SCHIP1: variants seen among roughly 807,000 people sequenced by gnomAD.
SCHIP1 encodes schwannomin-interacting protein 1.
In SCHIP1, 8 loss-of-function variants were observed where a neutral mutation model predicts 29.7. That is an observed-to-expected ratio of 0.27 (90% confidence interval 0.16 to 0.49). The LOEUF is 0.49. Ranked by LOEUF, SCHIP1 falls within the 20% of genes least tolerant of loss-of-function variation. SCHIP1 has a pLI of 0.99. For synonymous variants in SCHIP1, 76 were observed against 94.9 expected (o/e 0.80, Z 1.16); for missense variants, 193 against 294.6 (o/e 0.66, Z 2.52).
chr3:159,431,401 G>A, the SCHIP1 span, among the ~76,000 whole-genome samples: 1 of 152,098 alleles, frequency 6.6e-6, no homozygotes, highest in Non-Finnish European at 1.5e-5. Flanking sequence ...GAAAAATGCA[G>A]GAGTAGCCAG....
the SCHIP1 span, among the ~76,000 whole-genome samples, chr3:159,331,109 A>T: frequency 6.6e-6 from 1 of 152,206 alleles, no homozygotes; most frequent in African/African-American, 2.4e-5. Context: ...AGTGTCCCAT[A>T]GGCCCTGGTA....
chr3:159,714,710 A>G, the SCHIP1 span, among the ~76,000 whole-genome samples: 1 of 152,210 alleles, frequency 6.6e-6, no homozygotes. Context: ...GGTGCCCGCC[A>G]TTGCTGAGGC....
the SCHIP1 span, among the ~76,000 whole-genome samples, chr3:159,459,246 C>T: frequency 6.6e-6 from 1 of 152,036 alleles, no homozygotes; most frequent in Non-Finnish European, 1.5e-5. Context: ...CTCCTGGGCC[C>T]CATGGTGGTT....
At chr3:159,816,907 G>A in the SCHIP1 span, among the ~76,000 whole-genome samples, 1 of 152,128 alleles carries the variant, frequency 6.6e-6, no homozygotes, top group African/African-American at 2.4e-5. Flanking sequence ...GAAACGCAGA[G>A]CTCAGACATC....
chr3:159,616,738 T>C, the SCHIP1 span, among the ~76,000 whole-genome samples: 11 of 152,228 alleles, frequency 7.2e-5, no homozygotes, highest in African/African-American at 2.4e-4. Flanking sequence ...TTCTCATGCA[T>C]GGAACATGTC....
At chr3:159,812,410 C>T in the SCHIP1 span, among the ~76,000 whole-genome samples, 1 of 152,066 alleles carries the variant, frequency 6.6e-6, no homozygotes, top group Non-Finnish European at 1.5e-5. Flanking sequence ...AAAATTTAAA[C>T]AAGTGGAGGT....
chr3:159,884,181 T>C (rs1423218376), intron 2 of SCHIP1, among the ~76,000 whole-genome samples: 1 of 152,216 alleles, frequency 6.6e-6, no homozygotes, highest in Non-Finnish European at 1.5e-5. Flanking sequence ...TAACAGCTTT[T>C]TTCCCACCAT....
At chr3:159,603,212 G>A in the SCHIP1 span, among the ~76,000 whole-genome samples, 510 of 152,234 alleles carry the variant, frequency 3.4e-3, 5 homozygotes, top group African/African-American at 0.011. Context: ...GATGAGTTAC[G>A]GGGGAAACGA....
the SCHIP1 span, among the ~76,000 whole-genome samples, chr3:159,427,892 A>G: frequency 5.9e-5 from 9 of 151,780 alleles, no homozygotes; most frequent in Non-Finnish European, 1.0e-4. Context: ...ATAACGCCGC[A>G]TATCTACAAC....
the SCHIP1 span, among the ~76,000 whole-genome samples, chr3:159,601,198 C>A: frequency 2.6e-5 from 4 of 152,264 alleles, no homozygotes; most frequent in South Asian, 8.3e-4. Flanking sequence ...CCACTTGGGT[C>A]TCTGGGCAGC....
the SCHIP1 span, among the ~76,000 whole-genome samples, chr3:159,392,553 G>A: frequency 2.0e-5 from 3 of 150,840 alleles, no homozygotes; most frequent in African/African-American, 7.4e-5. Context: ...GTGAGAACAT[G>A]CGGTGTTTGT....
the SCHIP1 span, among the ~76,000 whole-genome samples, chr3:159,756,907 C>T: frequency 6.6e-6 from 1 of 152,230 alleles, no homozygotes; most frequent in Non-Finnish European, 1.5e-5. Context: ...CAACAAGTTC[C>T]TCATCTCCAT....
chr3:159,383,304 C>G, the SCHIP1 span, among the ~76,000 whole-genome samples: 1 of 151,518 alleles, frequency 6.6e-6, no homozygotes, highest in Non-Finnish European at 1.5e-5. Context: ...AGGAAGGGAT[C>G]CAGTTTCAGC....
chr3:159,642,712 C>T, the SCHIP1 span, among the ~76,000 whole-genome samples: 1 of 152,214 alleles, frequency 6.6e-6, no homozygotes, highest in South Asian at 2.1e-4. Flanking sequence ...AGGGACAGAG[C>T]TCCACATGCT....
the SCHIP1 span, among the ~76,000 whole-genome samples, chr3:159,568,296 A>G: frequency 6.6e-6 from 1 of 152,040 alleles, no homozygotes; most frequent in African/African-American, 2.4e-5. Context: ...TCTTTATCTC[A>G]TTTTAATCCA....
At chr3:159,506,957 T>C in the SCHIP1 span, among the ~76,000 whole-genome samples, 5 of 152,220 alleles carry the variant, frequency 3.3e-5, no homozygotes, top group African/African-American at 1.2e-4. Context: ...GGGCTCTTCT[T>C]TGGTTCCATA....
the SCHIP1 span, among the ~76,000 whole-genome samples, chr3:159,681,968 G>C: frequency 7.2e-5 from 11 of 152,202 alleles, no homozygotes; most frequent in South Asian, 2.3e-3. Context: ...AGGTTAGCTT[G>C]GGTTAACTCA....
chr3:159,694,552 GAAAGAAAGA>G, the SCHIP1 span, among the ~76,000 whole-genome samples: 1 of 76,950 alleles, frequency 1.3e-5, no homozygotes, highest in Non-Finnish European at 3.0e-5. Context: ...AAGAAAGAAA[GAAAGAAAGA>G]AAGAAAGAAA....
At chr3:159,719,624 A>G in the SCHIP1 span, among the ~76,000 whole-genome samples, 1 of 152,250 alleles carries the variant, frequency 6.6e-6, no homozygotes, top group African/African-American at 2.4e-5. Context: ...GCCAACAGAC[A>G]CATGAAAAAA....
Sources: gnomAD v4.1 joint callset for allele counts (sites outside exome capture counted in the v4.1 genomes callset) on GRCh38, gnomAD v4.1.1 for gene constraint, MANE v1.5 for transcripts, NCBI Gene and HGNC (gene_info 2026-07-23, HGNC 2026-07-21) for gene names.